The following MYLK3 variants were observed in gnomAD, a reference collection of about 807,000 sequenced individuals.
MYLK3 encodes the protein MLC kinase.
Under a neutral mutation model 76.3 loss-of-function variants are expected in MYLK3, and 55 were observed. That is an observed-to-expected ratio of 0.72 (90% confidence interval 0.58 to 0.90). The LOEUF is 0.90. Ranked by LOEUF, MYLK3 falls within the 40% of genes least tolerant of loss-of-function variation. MYLK3 has a pLI of 0.00. For synonymous variants in MYLK3, 416 were observed against 425.4 expected, an observed-to-expected ratio of 0.98 and a Z score of 0.27; for missense variants, 973 against 1,053.6, an observed-to-expected ratio of 0.92 and a Z score of 1.06.
chr16:46,712,137 C>T (rs750549721), intron 10 of MYLK3, among the ~76,000 whole-genome samples: 1 of 151,746 alleles, frequency 6.6e-6, no homozygotes, highest in African/African-American at 2.4e-5. Flanking sequence ...ACGATAGGCA[C>T]GCACCACAAT....
At chr16:46,729,872 C>T in intron 5 of MYLK3, 185 bp from the exon 6 acceptor site, 1 of 619,894 alleles carries the variant, frequency 1.6e-6, no homozygotes, top group South Asian at 1.9e-5. Flanking sequence ...ACTCTTCACC[C>T]CACACCACCC....
At chr16:46,711,350 A>G (rs959671023) in intron 10 of MYLK3, among the ~76,000 whole-genome samples, 1 of 152,106 alleles carries the variant, frequency 6.6e-6, no homozygotes, top group Non-Finnish European at 1.5e-5. Context: ...AGGAGACCAG[A>G]AGTAAAACAT....
chr16:46,719,425 C>T (rs1966777438), intron 9 of MYLK3, among the ~76,000 whole-genome samples: 1 of 152,126 alleles, frequency 6.6e-6, no homozygotes, highest in African/African-American at 2.4e-5. Flanking sequence ...CATACAACTA[C>T]TGCCATGTTT....
intron 1 of MYLK3, among the ~76,000 whole-genome samples, chr16:46,758,385 G>C (rs1318483412): frequency 2.6e-5 from 4 of 151,828 alleles, no homozygotes; most frequent in Non-Finnish European, 5.9e-5. Flanking sequence ...TGACGGGAAG[G>C]AGAGACAGGG....
In MYLK3 at chr16:46,746,393, A is replaced by G. The variant is rs146422585; in HGVS notation, c.477+1324T>C. ...ATCTGCAGATGTAGAACCCACAAAT[A>G]TGGAGGGCTGACTATAATTAAATTA... On this transcript the variant is annotated intron_variant, in intron 1 of 12. Coordinates refer to ENST00000394809, the MANE Select transcript of MYLK3 (RefSeq NM_182493.3). Among the ~76,000 whole-genome samples the G allele has an allele frequency of 6.7e-3, 1,014 of 152,250 alleles. 16 individuals are homozygous for G. The highest frequency in any genetic ancestry group is 0.023 in the African/African-American group (974 of 41,536).
At chr16:46,744,455 C>T (rs1257157623) in intron 1 of MYLK3, among the ~76,000 whole-genome samples, 2 of 148,644 alleles carry the variant, frequency 1.3e-5, no homozygotes, top group African/African-American at 2.5e-5. Flanking sequence ...AATTCTCCTG[C>T]CTCAGCCTCC....
At chr16:46,723,699 G>A (rs1966821876) in intron 8 of MYLK3, among the ~76,000 whole-genome samples, 1 of 138,172 alleles carries the variant, frequency 7.2e-6, no homozygotes, top group Admixed American at 8.0e-5. Flanking sequence ...CACCCAGGCT[G>A]GAGTGCAGTG....
At position 46,703,083 on chromosome 16, in the gene MYLK3, T is replaced by G. The variant is rs1003214429; in HGVS notation, c.*4621A>C. On this transcript the variant is annotated 3_prime_UTR_variant, in exon 13 of 13. Transcript: ENST00000394809. The stretch of plus-strand genomic sequence containing the variant: ...TCTTGCATATCCTACGGTTTTTTAA[T>G]GCACATATAAGCATATGTCTCTTCA... Among the ~76,000 whole-genome samples, 1 of 152,198 alleles carries G rather than the reference T, an allele frequency of 6.6e-6. No homozygotes were observed. Among genetic ancestry groups the G allele is most frequent in the East Asian group, 1.9e-4 (1 of 5,206 alleles).
intron 8 of MYLK3, chr16:46,726,709 G>GAAAGA (rs1555470059): frequency 2.2e-5 from 3 of 133,556 alleles, no homozygotes; most frequent in African/African-American, 8.3e-5. Flanking sequence ...AAGAAAGAAA[G>GAAAGA]AAAGAAAGAA....
intron 1 of MYLK3, among the ~76,000 whole-genome samples, chr16:46,756,840 A>C (rs967546418): frequency 6.6e-6 from 1 of 152,200 alleles, no homozygotes; most frequent in Non-Finnish European, 1.5e-5. Flanking sequence ...AGCACCTGGC[A>C]CGTGGTAAGT....
chr16:46,723,058 T>C (rs1188175700), intron 8 of MYLK3, among the ~76,000 whole-genome samples: 1 of 152,152 alleles, frequency 6.6e-6, no homozygotes, highest in Non-Finnish European at 1.5e-5. Flanking sequence ...AGTTGTGTAA[T>C]GATATCACTA....
chr16:46,710,406 A>G (rs1966670647), intron 11 of MYLK3, among the ~76,000 whole-genome samples: 1 of 152,188 alleles, frequency 6.6e-6, no homozygotes, highest in African/African-American at 2.4e-5. Flanking sequence ...ACCAATCTAC[A>G]TATGCTTCTT....
intron 10 of MYLK3, chr16:46,711,929 G>T (rs2143012649): frequency 6.4e-6 from 1 of 156,604 alleles, no homozygotes; most frequent in Admixed American, 6.5e-5. Flanking sequence ...GAATACCTTT[G>T]TTATTTTCAG....
At chr16:46,711,989 ATTTT>A (rs35047277) in intron 10 of MYLK3, among the ~76,000 whole-genome samples, 5 of 116,366 alleles carry the variant, frequency 4.3e-5, no homozygotes, top group Admixed American at 8.7e-5. Flanking sequence ...TCAAGCCATA[ATTTT>A]TTTTTTTTTT....
intron 1 of MYLK3, among the ~76,000 whole-genome samples, chr16:46,743,589 A>G (rs36466): frequency 0.99 from 150,118 of 152,306 alleles, 74,008 homozygotes; most frequent in East Asian, 1. Flanking sequence ...AAACGCCAGG[A>G]CCAGAGGAGA....
At position 46,730,284 on chromosome 16, in the gene MYLK3, C is replaced by A. The variant is rs559133891; in HGVS notation, c.1568+309G>T. On this transcript the variant is annotated intron_variant, in intron 5 of 12. Transcript: ENST00000394809. ...TCCACCCTAAAGAAGCTTCTCCTCA[C>A]CCCACCTCATGTCGGCTTTCCGGCC... Among the ~76,000 whole-genome samples the A allele has an allele frequency of 3.3e-5, 5 of 152,310 alleles. No individual in the cohort carries two copies. The East Asian group carries it at 9.7e-4, about 29-fold the overall frequency.
intron 3 of MYLK3, 45 bp from the exon 4 acceptor site, chr16:46,732,713 C>G: frequency 7.1e-7 from 1 of 1,413,780 alleles, no homozygotes; most frequent in Non-Finnish European, 9.3e-7. Flanking sequence ...GGCAAGGACT[C>G]TGGAGTCAGA....
chr16:46,712,238 C>T (rs758869405), intron 10 of MYLK3, among the ~76,000 whole-genome samples: 5 of 151,956 alleles, frequency 3.3e-5, no homozygotes, highest in Non-Finnish European at 7.4e-5. Context: ...GCAATCCTCC[C>T]ACCTTGGCCT....
rs560465072 is a variant in MYLK3, at chr16:46,733,636, G to A, written c.1002-968C>T. Among the ~76,000 whole-genome samples, 73 of 152,222 alleles carry A rather than the reference G, an allele frequency of 4.8e-4. 1 individual carries two copies. The highest frequency in any genetic ancestry group is 3.4e-3 in the Middle Eastern group (1 of 294). ...TCTAGAAGGAAGGACCCTGATCCTGGCAGTCAAGTCACCCGGGAATCCAAA... is the reference window on the plus strand; with the variant it reads ...TCTAGAAGGAAGGACCCTGATCCTGACAGTCAAGTCACCCGGGAATCCAAA... On this transcript the variant is annotated intron_variant, in intron 3 of 12. Transcript: ENST00000394809.
Sources: allele counts gnomAD v4.1 joint callset (sites outside exome capture counted in the v4.1 genomes callset), GRCh38; gene constraint gnomAD v4.1.1; transcripts MANE v1.5; gene names NCBI Gene and HGNC (gene_info 2026-07-23, HGNC 2026-07-21).